Variants in CCDC102B observed in about 807,000 individuals in gnomAD.
CCDC102B encodes coiled-coil domain containing 102B.
CCDC102B carries 75 observed loss-of-function variants against 57.4 expected under a neutral mutation model. The observed-to-expected ratio is 1.31, with a 90% confidence interval of 1.08 to 1.58. The LOEUF (loss-of-function observed/expected upper bound fraction) is 1.58. CCDC102B is among the 40% of genes most tolerant of loss of function. The pLI, the probability that CCDC102B is intolerant of heterozygous loss-of-function variation, is 0.00. For missense variants in CCDC102B, 636 were observed against 582.6 expected (o/e 1.09, Z -0.94); for synonymous variants, 206 against 201.9 (o/e 1.02, Z -0.17).
In CCDC102B at chr18:68,802,677, C is replaced by T. The variant is rs1044472439; in HGVS notation, c.-16+4496C>T. On this transcript the variant is annotated intron_variant, in intron 1 of 7. Transcript: ENST00000360242. The stretch of plus-strand genomic sequence containing the variant: ...GGTCCATTCATTGTCTATGGTTGGC[C>T]GTCATTGTTTCCTCTGTGGCTATAA... 3.0e-4 allele frequency among the ~76,000 whole-genome samples: 46 copies of T among 152,052 alleles called. 1 individual carries two copies. The highest frequency in any genetic ancestry group is 9.7e-4 in the African/African-American group (40 of 41,386).
intron 2 of CCDC102B, among the ~76,000 whole-genome samples, chr18:68,784,236 G>A (rs752935277): frequency 5.3e-5 from 8 of 152,176 alleles, no homozygotes; most frequent in Middle Eastern, 3.4e-3. Context: ...AGGGGGCAGC[G>A]CTCAGAAAAG....
chr18:68,751,736 A>G (rs1308677670), intron 2 of CCDC102B, among the ~76,000 whole-genome samples: 1 of 152,216 alleles, frequency 6.6e-6, no homozygotes. Flanking sequence ...GCAAATAATG[A>G]GTATTGATTA....
At chr18:68,841,481 A>G (rs991198545) in intron 3 of CCDC102B, among the ~76,000 whole-genome samples, 1 of 152,186 alleles carries the variant, frequency 6.6e-6, no homozygotes, top group Non-Finnish European at 1.5e-5. Flanking sequence ...CAGGTAGAAA[A>G]TTTGGAGTAA....
intron 6 of CCDC102B, among the ~76,000 whole-genome samples, chr18:68,930,822 A>G (rs2041646761): frequency 6.6e-6 from 1 of 151,964 alleles, no homozygotes; most frequent in Non-Finnish European, 1.5e-5. Context: ...ATTATAGTAG[A>G]AAAGACTTGT....
intron 2 of CCDC102B, among the ~76,000 whole-genome samples, chr18:68,756,469 A>G (rs1568234305): frequency 1.3e-5 from 2 of 152,158 alleles, no homozygotes; most frequent in Non-Finnish European, 2.9e-5. Context: ...ATACTTCAAT[A>G]ATGTTTTAAA....
chr18:69,042,356 C>T (rs2052454454), intron 7 of CCDC102B, among the ~76,000 whole-genome samples: 1 of 152,016 alleles, frequency 6.6e-6, no homozygotes, highest in Admixed American at 6.6e-5. Flanking sequence ...CTGTTTCATA[C>T]CTCAAAGCTG....
chr18:69,055,902 A>G (rs2052808214), downstream of CCDC102B, among the ~76,000 whole-genome samples: 1 of 152,002 alleles, frequency 6.6e-6, no homozygotes, highest in African/African-American at 2.4e-5. Context: ...ACATTATATC[A>G]TGTTCTCTTT....
intron 6 of CCDC102B, among the ~76,000 whole-genome samples, chr18:69,001,517 T>G (rs535611898): frequency 2.0e-5 from 3 of 149,038 alleles, no homozygotes; most frequent in African/African-American, 7.4e-5. Context: ...AATCAGGGAC[T>G]CTCTGAAAAG....
rs2038643776 is a variant in CCDC102B, at chr18:68,859,667, A to T, written c.936+13246A>T. Among the ~76,000 whole-genome samples the T allele has an allele frequency of 6.4e-5, 4 of 62,448 alleles. 2 individuals are homozygous for T. Among genetic ancestry groups the T allele is most frequent in the African/African-American group, 1.7e-4 (4 of 22,964 alleles). The allele number at this position is 62,448 out of a possible 152,430, so 41.0% of individuals were successfully genotyped here. ...GATATGAACAGACACTTCTCAAAAG[A>T]AGACATTTATGCAGCCAAAAAACAC... On this transcript the variant is annotated intron_variant, in intron 4 of 7. Transcript: ENST00000360242.
At chr18:68,755,301 C>T (rs2034007287) in intron 2 of CCDC102B, among the ~76,000 whole-genome samples, 1 of 152,108 alleles carries the variant, frequency 6.6e-6, no homozygotes, top group Non-Finnish European at 1.5e-5. Context: ...GGATCTAATT[C>T]ATCATTATTT....
At chr18:69,014,976 A>T (rs558842698) in intron 7 of CCDC102B, among the ~76,000 whole-genome samples, 220 of 115,670 alleles carry the variant, frequency 1.9e-3, no homozygotes, top group Middle Eastern at 9.6e-3. Context: ...AGAGAGAGAG[A>T]GAGTGTGTGT....
At chr18:68,950,746 T>C (rs761694060) in intron 6 of CCDC102B, among the ~76,000 whole-genome samples, 3 of 152,112 alleles carry the variant, frequency 2.0e-5, no homozygotes, top group Non-Finnish European at 4.4e-5. Flanking sequence ...CCTGTTTACT[T>C]TGGAAAAAGC....
At chr18:68,984,455 TTGAAACATGTGGGAACTA>T (rs548599423) in intron 6 of CCDC102B, among the ~76,000 whole-genome samples, 62 of 152,196 alleles carry the variant, frequency 4.1e-4, no homozygotes, top group Middle Eastern at 3.4e-3. Context: ...CAAGGGGACT[TTGAAACATGTGGGAACTA>T]TGCCTTTTCT....
chr18:68,764,134 A>T (rs1490743744), intron 2 of CCDC102B, among the ~76,000 whole-genome samples: 1 of 152,106 alleles, frequency 6.6e-6, no homozygotes, highest in Admixed American at 6.6e-5. Context: ...TTGAAATTTG[A>T]TTCACTACAC....
chr18:68,811,378 C>T lies in CCDC102B; in HGVS notation c.-16+13197C>T, dbSNP rs746898269. ...GGTCACGCCTGTAATCTCAGCACTT[C>T]GTGAGGTGGGCAGATCACCTGGGAT... On this transcript the variant is annotated intron_variant, in intron 1 of 7. Transcript: ENST00000360242. Among the ~76,000 whole-genome samples, 16 of 152,078 alleles carry T rather than the reference C, an allele frequency of 1.1e-4. No homozygotes were observed. In the East Asian group the frequency reaches 1.9e-3, roughly 18 times the overall value.
intron 2 of CCDC102B, among the ~76,000 whole-genome samples, chr18:68,742,810 G>T (rs914741601): frequency 6.6e-6 from 1 of 152,122 alleles, no homozygotes; most frequent in Non-Finnish European, 1.5e-5. Context: ...AATGTGCTGG[G>T]TATAGAGACA....
At chr18:68,791,531 T>C (rs2035458552) in intron 2 of CCDC102B, among the ~76,000 whole-genome samples, 1 of 476 alleles carries the variant, frequency 2.1e-3, no homozygotes, top group South Asian at 0.5. Flanking sequence ...GTAACAATGT[T>C]TTTTTTTGTT....
chr18:68,762,028 C>T (rs916824482), intron 2 of CCDC102B, among the ~76,000 whole-genome samples: 23 of 152,102 alleles, frequency 1.5e-4, no homozygotes, highest in African/African-American at 5.3e-4. Context: ...TTTTACCATA[C>T]GTGTTTACGT....
At chr18:68,765,551 A>C (rs2034443638) in intron 2 of CCDC102B, among the ~76,000 whole-genome samples, 2 of 152,172 alleles carry the variant, frequency 1.3e-5, no homozygotes, top group Non-Finnish European at 2.9e-5. Context: ...GTGGAAGCCA[A>C]AGGGACTATA....
Sources: allele counts gnomAD v4.1 joint callset (sites outside exome capture counted in the v4.1 genomes callset), GRCh38; gene constraint gnomAD v4.1.1; transcripts MANE v1.5; gene names NCBI Gene and HGNC (gene_info 2026-07-23, HGNC 2026-07-21).